The following GRM5 variants were observed in gnomAD, a reference collection of about 807,000 sequenced individuals.
GRM5 encodes the protein metabotropic glutamate receptor 5.
A neutral mutation model predicts 83.1 loss-of-function variants in GRM5; 19 were observed. The observed-to-expected ratio is 0.23, with a 90% CI of 0.16 to 0.34. The LOEUF (loss-of-function observed/expected upper bound fraction) is 0.34. Among genes scored for constraint, GRM5 ranks in the 10% least tolerant of loss-of-function variants. GRM5 has a pLI of 1.00. For missense variants in GRM5, 1,160 were observed against 1,588.3 expected (o/e 0.73, Z 4.58); for synonymous variants, 675 against 633.6 (o/e 1.07, Z -0.98).
At chr11:88,812,745 C>T (rs1298725646) in intron 3 of GRM5, among the ~76,000 whole-genome samples, 4 of 152,056 alleles carry the variant, frequency 2.6e-5, no homozygotes, top group Admixed American at 6.6e-5. Context: ...ATTTTTTTCC[C>T]AAAACCCAGG....
chr11:89,054,267 A>G (rs377251797), intron 1 of GRM5, among the ~76,000 whole-genome samples: 4 of 152,162 alleles, frequency 2.6e-5, no homozygotes, highest in African/African-American at 9.7e-5. Context: ...ATTGGCTATT[A>G]GAGCTGACGT....
At chr11:88,637,308 T>C (rs1343979018) in intron 4 of GRM5, among the ~76,000 whole-genome samples, 1 of 151,480 alleles carries the variant, frequency 6.6e-6, no homozygotes, top group Non-Finnish European at 1.5e-5. Flanking sequence ...ACAAATGGGA[T>C]CTAATTAAAC....
chr11:88,522,603 C>CTGTGTGTGTG (rs55777647), intron 9 of GRM5, among the ~76,000 whole-genome samples: 10 of 127,296 alleles, frequency 7.9e-5, no homozygotes, highest in East Asian at 2.4e-4. Flanking sequence ...CTCTCTCTCT[C>CTGTGTGTGTG]TGTGTGTGTG....
At chr11:89,009,900 CAAAAAAAAAAAAA>C (rs758398638) in intron 2 of GRM5, among the ~76,000 whole-genome samples, 4 of 21,688 alleles carry the variant, frequency 1.8e-4, no homozygotes, top group African/African-American at 3.5e-4. Flanking sequence ...GACTCCGTCT[CAAAAAAAAAAAAA>C]AAAAAAAAAA....
intron 8 of GRM5, among the ~76,000 whole-genome samples, chr11:88,558,489 G>T (rs1591347263): frequency 6.6e-6 from 1 of 152,060 alleles, no homozygotes; most frequent in African/African-American, 2.4e-5. Context: ...CTGCTGTTGA[G>T]ATTTCACAGG....
At chr11:88,653,913 T>C (rs1241497672) in intron 3 of GRM5, among the ~76,000 whole-genome samples, 1 of 151,988 alleles carries the variant, frequency 6.6e-6, no homozygotes, top group Non-Finnish European at 1.5e-5. Flanking sequence ...GAATAATAGG[T>C]TTAAAAAACC....
At chr11:88,656,553 A>G (rs1431855281) in intron 3 of GRM5, among the ~76,000 whole-genome samples, 1 of 152,094 alleles carries the variant, frequency 6.6e-6, no homozygotes, top group Non-Finnish European at 1.5e-5. Flanking sequence ...TTCAGTTTTC[A>G]TACTACAAAC....
chr11:88,913,358 G>A (rs1945532627), intron 2 of GRM5, among the ~76,000 whole-genome samples: 1 of 152,112 alleles, frequency 6.6e-6, no homozygotes, highest in Non-Finnish European at 1.5e-5. Flanking sequence ...AACTCATGCA[G>A]AGGGTAGCAG....
chr11:88,523,155 G>T (rs911713800), intron 9 of GRM5, among the ~76,000 whole-genome samples: 1 of 152,158 alleles, frequency 6.6e-6, no homozygotes, highest in Non-Finnish European at 1.5e-5. Context: ...GCCACAAACA[G>T]CTCCATGTCA....
intron 3 of GRM5, among the ~76,000 whole-genome samples, chr11:88,720,348 C>T (rs1267971716): frequency 6.6e-6 from 1 of 151,964 alleles, no homozygotes; most frequent in Non-Finnish European, 1.5e-5. Context: ...GATATGTTTT[C>T]CCTTGCAGAC....
At chr11:88,550,059 A>G (rs1327520420) in intron 8 of GRM5, among the ~76,000 whole-genome samples, 1 of 152,156 alleles carries the variant, frequency 6.6e-6, no homozygotes, top group Non-Finnish European at 1.5e-5. Flanking sequence ...TAAAATGTTA[A>G]GGATGACACA....
intron 2 of GRM5, among the ~76,000 whole-genome samples, chr11:88,851,308 T>C (rs577644772): frequency 9.2e-5 from 14 of 152,266 alleles, no homozygotes; most frequent in East Asian, 3.9e-4. Flanking sequence ...AAGAGGCTAT[T>C]ACAAGATAAC....
chr11:89,039,355 T>A (rs983167967), intron 2 of GRM5, among the ~76,000 whole-genome samples: 2 of 151,916 alleles, frequency 1.3e-5, no homozygotes, highest in Non-Finnish European at 2.9e-5. Context: ...ATTGTCAACA[T>A]TGGGAATTAT....
intron 3 of GRM5, among the ~76,000 whole-genome samples, chr11:88,735,538 G>T (rs1270580040): frequency 6.6e-6 from 1 of 151,990 alleles, no homozygotes; most frequent in Non-Finnish European, 1.5e-5. Context: ...CCTGGAAGTA[G>T]GTTGGGGCTT....
intron 2 of GRM5, among the ~76,000 whole-genome samples, chr11:89,041,217 T>C (rs1278183773): frequency 6.6e-6 from 1 of 152,216 alleles, no homozygotes; most frequent in Non-Finnish European, 1.5e-5. Context: ...TAGGTAAGCA[T>C]CTGATTATTT....
At chr11:88,603,033 T>C (rs1938042570) in intron 5 of GRM5, among the ~76,000 whole-genome samples, 1 of 152,218 alleles carries the variant, frequency 6.6e-6, no homozygotes, top group Non-Finnish European at 1.5e-5. Flanking sequence ...AGTGCAAGGA[T>C]AGACTCAAAG....
At chr11:88,816,854 G>A (rs1943700214) in intron 3 of GRM5, among the ~76,000 whole-genome samples, 1 of 151,072 alleles carries the variant, frequency 6.6e-6, no homozygotes, top group Non-Finnish European at 1.5e-5. Flanking sequence ...AAAAAACAGT[G>A]TAAACAATTT....
chr11:88,829,195 T>C (rs1316517179), intron 3 of GRM5, among the ~76,000 whole-genome samples: 1 of 152,142 alleles, frequency 6.6e-6, no homozygotes, highest in Admixed American at 6.6e-5. Context: ...GCTTGGTGGC[T>C]CATGCCTATA....
intron 3 of GRM5, among the ~76,000 whole-genome samples, chr11:88,816,043 C>T (rs1378364235): frequency 6.9e-6 from 1 of 145,562 alleles, no homozygotes; most frequent in Admixed American, 6.7e-5. Flanking sequence ...GAAACCCCGT[C>T]TCTACTAAAA....
Sources: gnomAD v4.1 joint callset for allele counts (sites outside exome capture counted in the v4.1 genomes callset) on GRCh38, gnomAD v4.1.1 for gene constraint, MANE v1.5 for transcripts, NCBI Gene and HGNC (gene_info 2026-07-23, HGNC 2026-07-21) for gene names.